Variants in RYR3 observed in about 807,000 individuals in gnomAD.
RYR3 encodes brain ryanodine receptor-calcium release channel.
RYR3 carries 207 observed loss-of-function variants against 584.3 expected under a neutral mutation model. The observed-to-expected ratio is 0.35, with a 90% CI of 0.32 to 0.40. The LOEUF (loss-of-function observed/expected upper bound fraction) is 0.40, where lower values mean the gene tolerates loss of function less well. Among genes scored for constraint, RYR3 ranks in the 10% least tolerant of loss-of-function variants. The probability of loss-of-function intolerance (pLI) is 1.00; values close to 1 mark genes in which losing one functional copy is unlikely to be tolerated. For synonymous variants in RYR3, 2,416 were observed against 2,248.5 expected (o/e 1.07, Z -2.11); for missense variants, 5,616 against 6,089.2 (o/e 0.92, Z 2.59).
intron 27 of RYR3, among the ~76,000 whole-genome samples, chr15:33,639,126 C>A (rs1001028523): frequency 6.6e-6 from 1 of 152,158 alleles, no homozygotes; most frequent in East Asian, 1.9e-4. Flanking sequence ...AGGGGAGGGA[C>A]ATTTGAGCAT....
chr15:33,700,964 C>T lies in RYR3; in HGVS notation c.6380-13C>T. The T allele has an allele frequency of 1.2e-6, 2 of 1,600,022 alleles. No individual in the cohort carries two copies. The highest frequency in any genetic ancestry group is 8.6e-7 in the Non-Finnish European group (1 of 1,169,264). On this transcript the variant is annotated splice_polypyrimidine_tract_variant and intron_variant, in intron 41 of 103. Coordinates refer to ENST00000634891, the MANE Select transcript of RYR3 (RefSeq NM_001036.6). ...TCTGTCCTTTTCTTGCTAATTCTCC[C>T]CTCCTCCCTCAGCCTCCCCGTCGAT...
At chr15:33,744,831 T>C (rs2070521319) in intron 52 of RYR3, among the ~76,000 whole-genome samples, 1 of 152,172 alleles carries the variant, frequency 6.6e-6, no homozygotes, top group Non-Finnish European at 1.5e-5. Flanking sequence ...TGATCACCTT[T>C]TTAGGTTTAC....
At chr15:33,488,982 T>G (rs1257444274) in intron 2 of RYR3, among the ~76,000 whole-genome samples, 1 of 152,182 alleles carries the variant, frequency 6.6e-6, no homozygotes, top group Non-Finnish European at 1.5e-5. Context: ...TATTTTGAAG[T>G]TATGTGCATG....
In RYR3 at chr15:33,584,943, C is replaced by T. The variant is rs949854080; in HGVS notation, c.1669+453C>T. On this transcript the variant is annotated intron_variant, in intron 15 of 103. Transcript: ENST00000634891. ...GAGAGGAAAAATGATCCCCACTCAC[C>T]CTCTCTCCCGTGACTCACCCTTCAC... 1.8e-4 allele frequency among the ~76,000 whole-genome samples: 27 copies of T among 151,958 alleles called. 1 individual carries two copies. The highest frequency in any genetic ancestry group is 4.6e-4 in the Admixed American group (7 of 15,254).
intron 16 of RYR3, among the ~76,000 whole-genome samples, chr15:33,592,946 T>A (rs1362232591): frequency 6.6e-6 from 1 of 152,164 alleles, no homozygotes; most frequent in Non-Finnish European, 1.5e-5. Flanking sequence ...ACGTGAGACG[T>A]GGGACATCAA....
At chr15:33,511,703 C>T (rs1289053140) in intron 3 of RYR3, among the ~76,000 whole-genome samples, 1 of 152,122 alleles carries the variant, frequency 6.6e-6, no homozygotes, top group Non-Finnish European at 1.5e-5. Flanking sequence ...TTTGTTTTAC[C>T]ACTGCTCTCC....
chr15:33,320,419 T>G (rs1454445088), intron 1 of RYR3, among the ~76,000 whole-genome samples: 1 of 152,212 alleles, frequency 6.6e-6, no homozygotes, highest in African/African-American at 2.4e-5. Flanking sequence ...CAACATGTAT[T>G]GACCAATTAC....
chr15:33,670,647 G>T, intron 38 of RYR3, 91 bp downstream of exon 38: 1 of 1,289,042 alleles, frequency 7.8e-7, no homozygotes, highest in Non-Finnish European at 1.1e-6. Flanking sequence ...ATAGATAGGG[G>T]CTGCTTAACT....
intron 2 of RYR3, among the ~76,000 whole-genome samples, chr15:33,476,310 G>C (rs1330310576): frequency 6.6e-6 from 1 of 152,188 alleles, no homozygotes; most frequent in East Asian, 1.9e-4. Flanking sequence ...ATGAATTGGG[G>C]ATGAGGAAAT....
chr15:33,651,194 T>C (rs571385832), intron 31 of RYR3, among the ~76,000 whole-genome samples: 2 of 152,342 alleles, frequency 1.3e-5, no homozygotes, highest in African/African-American at 4.8e-5. Flanking sequence ...TAATAAGAAA[T>C]AAATACAAAA....
At chr15:33,438,102 T>G (rs1032150010) in intron 1 of RYR3, among the ~76,000 whole-genome samples, 2 of 152,202 alleles carry the variant, frequency 1.3e-5, no homozygotes, top group African/African-American at 2.4e-5. Flanking sequence ...AGAAACGATG[T>G]GATGTTTTTT....
chr15:33,670,492 C>T lies in RYR3; in HGVS notation c.5796C>T (p.Tyr1932=). 6.2e-7 allele frequency: 1 copy of T among 1,609,188 alleles called. No individual in the cohort carries two copies. The highest frequency in any genetic ancestry group is 8.5e-7 in the Non-Finnish European group (1 of 1,178,580). ...SWTGKLCALV[Y]KIKGPPKPEK... ...CAGGAAAACTCTGTGCCTTGGTTTA[C>T]AAAATCAAAGGCCCACCCAAGCCAG... The change falls in exon 38 of 104, where the codon TAC becomes TAT. Residue 1932 remains tyrosine (Y), a synonymous_variant. Transcript: ENST00000634891.
At chr15:33,761,366 GAAGAA>G (rs1367624978) in intron 60 of RYR3, among the ~76,000 whole-genome samples, 19 of 152,074 alleles carry the variant, frequency 1.2e-4, no homozygotes, top group Admixed American at 1.2e-3. Context: ...GACTAATAAA[GAAGAA>G]AAGAGAGAAG....
At chr15:33,769,680 G>A (rs888622280) in intron 62 of RYR3, among the ~76,000 whole-genome samples, 5 of 152,212 alleles carry the variant, frequency 3.3e-5, no homozygotes, top group African/African-American at 7.2e-5. Context: ...CAGGCCAGGC[G>A]CGGTGGCTCA....
At chr15:33,813,739 C>T in intron 74 of RYR3, 160 bp downstream of exon 74, 2 of 591,198 alleles carry the variant, frequency 3.4e-6, no homozygotes, top group Non-Finnish European at 6.0e-6. Flanking sequence ...CTGGCTAAGA[C>T]AATCAAGGTA....
At chr15:33,663,782 T>TA in intron 36 of RYR3, 45 bp downstream of exon 36, 1 of 1,515,716 alleles carries the variant, frequency 6.6e-7, no homozygotes, top group African/African-American at 1.4e-5. Context: ...ATGGAAGAAC[T>TA]TGAGACCTAT....
At chr15:33,664,695 G>A (rs1441844586) in intron 36 of RYR3, among the ~76,000 whole-genome samples, 4 of 149,838 alleles carry the variant, frequency 2.7e-5, no homozygotes, top group East Asian at 2.0e-4. Context: ...CAAGGATCAC[G>A]TGAGATAATT....
chr15:33,665,187 G>A (rs563581484), intron 36 of RYR3, among the ~76,000 whole-genome samples: 48 of 152,218 alleles, frequency 3.2e-4, no homozygotes, highest in Non-Finnish European at 5.3e-4. Context: ...AAGATACAAT[G>A]ACATGGTGAT....
intron 43 of RYR3, among the ~76,000 whole-genome samples, chr15:33,721,971 A>G (rs1487281119): frequency 2.0e-5 from 3 of 152,208 alleles, no homozygotes; most frequent in Non-Finnish European, 1.5e-5. Context: ...GCCTTCCCAC[A>G]GAACAAGTTT....
Sources: allele counts gnomAD v4.1 joint callset (sites outside exome capture counted in the v4.1 genomes callset), GRCh38; gene constraint gnomAD v4.1.1; transcripts MANE v1.5; gene names NCBI Gene and HGNC (gene_info 2026-07-23, HGNC 2026-07-21).